Variants in MPP7 observed in about 807,000 individuals in gnomAD.
MPP7 encodes the protein MAGUK p55 subfamily member 7.
In MPP7, 60 loss-of-function variants were observed where a neutral mutation model predicts 76.5. The observed-to-expected ratio is 0.78, with a 90% CI of 0.64 to 0.97. The LOEUF (loss-of-function observed/expected upper bound fraction) is 0.97. Among genes scored for constraint, MPP7 ranks in the 50% least tolerant of loss-of-function variants. MPP7 has a pLI of 0.00. For missense variants in MPP7, 641 were observed against 694.0 expected, an observed-to-expected ratio of 0.92 and a Z score of 0.86; for synonymous variants, 237 against 244.5, an observed-to-expected ratio of 0.97 and a Z score of 0.29.
chr10:28,259,791 G>A (rs1396082847), intron 1 of MPP7, among the ~76,000 whole-genome samples: 46 of 152,078 alleles, frequency 3.0e-4, no homozygotes, highest in Non-Finnish European at 1.5e-5. Context: ...CCAGAGCGTG[G>A]GCAACATGAC....
At chr10:28,157,276 G>A (rs1015096831) in intron 3 of MPP7, among the ~76,000 whole-genome samples, 11 of 152,098 alleles carry the variant, frequency 7.2e-5, no homozygotes, top group African/African-American at 2.2e-4. Flanking sequence ...CTTCAAAGAC[G>A]ATACAGGGCT....
chr10:28,051,789 T>C lies in MPP7; in HGVS notation c.*2276A>G, dbSNP rs1426490225. The C allele has an allele frequency of 6.6e-6, 1 of 152,032 alleles. No individual in the cohort carries two copies. Among genetic ancestry groups the C allele is most frequent in the Non-Finnish European group, 1.5e-5 (1 of 68,144 alleles). The allele number at this position is 152,032 out of a possible 1,614,324, so 9.4% of individuals were successfully genotyped here. ...TCTACCGGCTGGGCACGGTGGATCATGCCTGTAATCCCAGCACTTTGGGAG... is the reference window on the plus strand; with the variant it reads ...TCTACCGGCTGGGCACGGTGGATCACGCCTGTAATCCCAGCACTTTGGGAG... On this transcript the variant is annotated 3_prime_UTR_variant, in exon 17 of 17. Coordinates refer to ENST00000683449, the MANE Select transcript of MPP7 (RefSeq NM_001318170.2).
rs1052440052 is a variant in MPP7, at chr10:28,273,152, A to G, written c.-132+29709T>C. 6.6e-5 allele frequency among the ~76,000 whole-genome samples: 10 copies of G among 152,276 alleles called. No homozygotes were observed. In the South Asian group the frequency reaches 1.0e-3, roughly 16 times the overall value. On this transcript the variant is annotated intron_variant, in intron 1 of 16. Transcript: ENST00000683449. ...AGGCTGGTCTCGAACTCCTAACCTC[A>G]AGTGATCCACCCACCTCGGCCTCCC...
chr10:28,290,043 T>A (rs1350554487), intron 1 of MPP7, among the ~76,000 whole-genome samples: 3 of 152,182 alleles, frequency 2.0e-5, no homozygotes, highest in Non-Finnish European at 2.9e-5. Flanking sequence ...GGTCTCAAAC[T>A]CCTGAGTTCA....
At chr10:28,290,675 A>T (rs932613261) in intron 1 of MPP7, among the ~76,000 whole-genome samples, 26 of 151,936 alleles carry the variant, frequency 1.7e-4, no homozygotes, top group African/African-American at 5.1e-4. Flanking sequence ...GTTTCATCAC[A>T]TTGGTCAGAC....
In MPP7 at chr10:28,279,004, T is replaced by C. The variant is rs763949317; in HGVS notation, c.-132+23857A>G. 6.2e-4 allele frequency among the ~76,000 whole-genome samples: 95 copies of C among 152,078 alleles called. 1 individual carries two copies. Among genetic ancestry groups the C allele is most frequent in the Admixed American group, 2.6e-3 (40 of 15,276 alleles). ...ACATATCTGACATATTCTGCCTGAATAACTCCAGGGTGAACAGGGTGAAGC... is the reference window on the plus strand; with the variant it reads ...ACATATCTGACATATTCTGCCTGAACAACTCCAGGGTGAACAGGGTGAAGC... On this transcript the variant is annotated intron_variant, in intron 1 of 16. Transcript: ENST00000683449.
chr10:28,238,086 T>C (rs1441577971), intron 2 of MPP7, among the ~76,000 whole-genome samples: 1 of 152,028 alleles, frequency 6.6e-6, no homozygotes, highest in Non-Finnish European at 1.5e-5. Flanking sequence ...CCCTTAATGG[T>C]ATGTATCAAT....
chr10:28,245,847 T>C (rs1178423592), intron 1 of MPP7, among the ~76,000 whole-genome samples: 3 of 150,054 alleles, frequency 2.0e-5, no homozygotes. Context: ...ATAATGGAAT[T>C]GAAAAATTCA....
intron 3 of MPP7, among the ~76,000 whole-genome samples, chr10:28,173,573 T>C (rs1002300848): frequency 6.6e-6 from 1 of 152,208 alleles, no homozygotes. Context: ...GAGCAGATGT[T>C]GGCACCATGC....
chr10:28,302,688 G>A (rs1321127367), intron 1 of MPP7, among the ~76,000 whole-genome samples, 173 bp downstream of exon 1: 1 of 148,862 alleles, frequency 6.7e-6, no homozygotes, highest in Admixed American at 6.7e-5. Context: ...CTCCTCACAA[G>A]GTGCCCGCCG....
intron 1 of MPP7, among the ~76,000 whole-genome samples, chr10:28,239,271 G>C (rs1313962571): frequency 4.6e-5 from 7 of 151,346 alleles, no homozygotes; most frequent in African/African-American, 1.7e-4. Context: ...CCAGGCTCCT[G>C]AGGAGCTGGG....
chr10:28,105,481 T>C (rs752835768), intron 11 of MPP7, among the ~76,000 whole-genome samples: 1 of 152,150 alleles, frequency 6.6e-6, no homozygotes, highest in Non-Finnish European at 1.5e-5. Context: ...AATCTCTCCA[T>C]TAAGGAATCA....
intron 3 of MPP7, among the ~76,000 whole-genome samples, chr10:28,159,987 C>A (rs1836203087): frequency 6.6e-6 from 1 of 152,050 alleles, no homozygotes; most frequent in Non-Finnish European, 1.5e-5. Flanking sequence ...AGAAAGCTGG[C>A]AATCTCAGAG....
intron 1 of MPP7, among the ~76,000 whole-genome samples, chr10:28,253,661 C>T (rs1839688926): frequency 6.6e-6 from 1 of 152,036 alleles, no homozygotes; most frequent in Admixed American, 6.6e-5. Context: ...AGTAATTGTT[C>T]CTACTTGACT....
chr10:28,140,570 A>C (rs570349211), intron 5 of MPP7, among the ~76,000 whole-genome samples: 1 of 152,156 alleles, frequency 6.6e-6, no homozygotes, highest in Non-Finnish European at 1.5e-5. Flanking sequence ...GAGAGATTAG[A>C]TAATTACTCA....
intron 2 of MPP7, among the ~76,000 whole-genome samples, chr10:28,222,475 C>A (rs1377910371): frequency 6.6e-6 from 1 of 151,774 alleles, no homozygotes; most frequent in African/African-American, 2.4e-5. Flanking sequence ...CAGAGTGAGA[C>A]TCTGTCTCAA....
chr10:28,233,553 A>C (rs1031031406), intron 2 of MPP7, among the ~76,000 whole-genome samples: 1 of 151,264 alleles, frequency 6.6e-6, no homozygotes, highest in Non-Finnish European at 1.5e-5. Context: ...TTAAAAAAAA[A>C]CAAAAATACA....
At chr10:28,115,814 G>A (rs1782155199) in intron 11 of MPP7, among the ~76,000 whole-genome samples, 1 of 152,170 alleles carries the variant, frequency 6.6e-6, no homozygotes, top group Non-Finnish European at 1.5e-5. Context: ...TTTGGCTTCA[G>A]TTAAATGTTT....
chr10:28,306,660 T>TAGAGAG (rs1335101534), upstream of MPP7, among the ~76,000 whole-genome samples: 1 of 28,754 alleles, frequency 3.5e-5, no homozygotes, highest in African/African-American at 2.2e-4. Context: ...AAATAGATGA[T>TAGAGAG]AGATAGATAG....
Sources: allele counts gnomAD v4.1 joint callset (sites outside exome capture counted in the v4.1 genomes callset), GRCh38; gene constraint gnomAD v4.1.1; transcripts MANE v1.5; gene names NCBI Gene and HGNC (gene_info 2026-07-23, HGNC 2026-07-21).